The following BNC2 variants were observed in gnomAD, a reference collection of about 807,000 sequenced individuals.
The protein encoded by BNC2 is basonuclin zinc finger protein 2.
A neutral mutation model predicts 76.3 loss-of-function variants in BNC2; 20 were observed. The observed-to-expected ratio is 0.26, with a 90% CI of 0.18 to 0.38. The LOEUF (loss-of-function observed/expected upper bound fraction) is 0.38. Ranked by LOEUF, BNC2 falls within the 10% of genes least tolerant of loss-of-function variation. The probability of loss-of-function intolerance (pLI) is 1.00; values close to 1 mark genes in which losing one functional copy is unlikely to be tolerated. For missense variants in BNC2, 1,382 were observed against 1,399.8 expected (o/e 0.99, Z 0.20); for synonymous variants, 582 against 514.8 (o/e 1.13, Z -1.77).
At chr9:16,508,865 G>A (rs1327674839) in intron 5 of BNC2, among the ~76,000 whole-genome samples, 2 of 145,848 alleles carry the variant, frequency 1.4e-5, no homozygotes, top group Non-Finnish European at 3.0e-5. Context: ...CTCTGTCACC[G>A]AGGCTGGGGT....
intron 1 of BNC2, among the ~76,000 whole-genome samples, chr9:16,834,994 C>T (rs941216454): frequency 1.3e-5 from 2 of 152,086 alleles, no homozygotes; most frequent in South Asian, 2.1e-4. Context: ...TGGATATCCA[C>T]GGGTACTTAA....
chr9:16,838,330 G>A (rs1026351743), intron 1 of BNC2, among the ~76,000 whole-genome samples: 7 of 152,132 alleles, frequency 4.6e-5, no homozygotes, highest in African/African-American at 1.2e-4. Context: ...CAAGGCGGGC[G>A]GATCACCTGA....
chr9:16,644,650 G>C (rs1821575712), intron 3 of BNC2, among the ~76,000 whole-genome samples: 1 of 152,158 alleles, frequency 6.6e-6, no homozygotes, highest in Non-Finnish European at 1.5e-5. Flanking sequence ...TGAAAGGAAA[G>C]ATGTAATCAG....
intron 5 of BNC2, among the ~76,000 whole-genome samples, chr9:16,505,715 CAT>C (rs1822609640): frequency 6.6e-6 from 1 of 152,002 alleles, no homozygotes; most frequent in South Asian, 2.1e-4. Context: ...AAAAAAAAAT[CAT>C]ATATAGTTCC....
At chr9:16,589,778 A>G (rs1337011120) in intron 3 of BNC2, among the ~76,000 whole-genome samples, 1 of 152,018 alleles carries the variant, frequency 6.6e-6, no homozygotes, top group Non-Finnish European at 1.5e-5. Context: ...AAAGTGCTGG[A>G]ATTACAGGCG....
Position 16,659,552 on chromosome 9 carries a change from T to G in BNC2, c.330+68245A>C, listed in dbSNP as rs139061600. Among the ~76,000 whole-genome samples the G allele has an allele frequency of 4.8e-4, 70 of 147,154 alleles. 1 individual carries two copies. The highest frequency in any genetic ancestry group is 4.3e-4 in the South Asian group (2 of 4,692). On this transcript the variant is annotated intron_variant, in intron 3 of 6. Transcript: ENST00000380672. ...GAACCCAGGAGGCGGAAATTGAAGTTAGCCGAGATTGCACCACTGCACTCC... is the reference window on the plus strand; with the variant it reads ...GAACCCAGGAGGCGGAAATTGAAGTGAGCCGAGATTGCACCACTGCACTCC...
chr9:16,811,227 G>A (rs1460286045), intron 1 of BNC2, among the ~76,000 whole-genome samples: 37 of 20,438 alleles, frequency 1.8e-3, no homozygotes, highest in African/African-American at 2.9e-3. Flanking sequence ...CGTCTCAAAA[G>A]ACCAAAAAAA....
chr9:16,850,413 C>T (rs756083822), intron 1 of BNC2, among the ~76,000 whole-genome samples: 5 of 152,278 alleles, frequency 3.3e-5, no homozygotes, highest in South Asian at 2.1e-4. Context: ...AGCTCCATAA[C>T]TAGTGGGAGG....
chr9:16,512,664 TA>T (rs1441771223), intron 5 of BNC2, among the ~76,000 whole-genome samples: 1 of 152,212 alleles, frequency 6.6e-6, no homozygotes, highest in African/African-American at 2.4e-5. Context: ...ATGTACACTA[TA>T]AAACTTTGAT....
intron 3 of BNC2, among the ~76,000 whole-genome samples, chr9:16,695,585 G>A (rs973386423): frequency 4.1e-5 from 6 of 146,690 alleles, no homozygotes; most frequent in African/African-American, 1.5e-4. Context: ...AAGTTACCCA[G>A]GCTGGTCTTG....
At chr9:16,535,630 T>C (rs1471078363) in intron 5 of BNC2, among the ~76,000 whole-genome samples, 1 of 152,068 alleles carries the variant, frequency 6.6e-6, no homozygotes, top group Non-Finnish European at 1.5e-5. Context: ...CAGGACTCCT[T>C]AGTTCCACAT....
At chr9:16,671,314 G>A (rs1822471004) in intron 3 of BNC2, among the ~76,000 whole-genome samples, 1 of 152,150 alleles carries the variant, frequency 6.6e-6, no homozygotes, top group Non-Finnish European at 1.5e-5. Flanking sequence ...GCATCAAAAT[G>A]AACGAAAAGG....
At chr9:16,698,702 A>G (rs1172563251) in intron 3 of BNC2, among the ~76,000 whole-genome samples, 1 of 152,200 alleles carries the variant, frequency 6.6e-6, no homozygotes, top group Non-Finnish European at 1.5e-5. Flanking sequence ...CTCAAAAAAA[A>G]AAGCCATGAT....
chr9:16,571,509 C>T (rs1220899006), intron 4 of BNC2, among the ~76,000 whole-genome samples: 1 of 152,114 alleles, frequency 6.6e-6, no homozygotes, highest in Non-Finnish European at 1.5e-5. Context: ...ACAGCCGTTG[C>T]TTGCTGCCTG....
chr9:16,564,094 A>G (rs1029354179), intron 4 of BNC2, among the ~76,000 whole-genome samples: 4 of 152,166 alleles, frequency 2.6e-5, no homozygotes, highest in Admixed American at 6.6e-5. Flanking sequence ...TAAGGTTAAA[A>G]AATAATGACA....
At chr9:16,515,227 T>G (rs905255689) in intron 5 of BNC2, among the ~76,000 whole-genome samples, 1 of 152,208 alleles carries the variant, frequency 6.6e-6, no homozygotes, top group African/African-American at 2.4e-5. Flanking sequence ...GCCAATAGTC[T>G]GTGGCTGTCA....
At chr9:16,789,175 CA>C (rs1393162688) in intron 1 of BNC2, among the ~76,000 whole-genome samples, 2 of 152,014 alleles carry the variant, frequency 1.3e-5, no homozygotes, top group Non-Finnish European at 2.9e-5. Context: ...TTGAGAAACA[CA>C]AAACTATAGG....
Position 16,751,681 on chromosome 9 carries a change from T to G in BNC2, c.4-13196A>C, listed in dbSNP as rs1484247654. 7.7e-5 allele frequency among the ~76,000 whole-genome samples: 3 copies of G among 39,028 alleles called. 1 individual carries two copies. The highest frequency in any genetic ancestry group is 1.6e-4 in the African/African-American group (3 of 18,510). 25.6% of individuals were successfully genotyped at this position (39,028 alleles called of 152,430 possible). ...ATATATGTATGTATGTGTATATATA[T>G]ATGTATGTGTGTATATATATATATA... On this transcript the variant is annotated intron_variant, in intron 1 of 6. Transcript: ENST00000380672.
At chr9:16,591,888 T>C (rs1226960738) in intron 3 of BNC2, among the ~76,000 whole-genome samples, 7 of 152,166 alleles carry the variant, frequency 4.6e-5, no homozygotes, top group South Asian at 4.1e-4. Flanking sequence ...TATGAAGAAA[T>C]AGCAAGCTGG....
Sources: gnomAD v4.1 joint callset for allele counts (sites outside exome capture counted in the v4.1 genomes callset) on GRCh38, gnomAD v4.1.1 for gene constraint, MANE v1.5 for transcripts, NCBI Gene and HGNC (gene_info 2026-07-23, HGNC 2026-07-21) for gene names.